RALGAPA2: variants seen among roughly 807,000 people sequenced by gnomAD.
The protein encoded by RALGAPA2 is Ral GTPase activating protein catalytic subunit alpha 2.
In RALGAPA2, 139 loss-of-function variants were observed where a neutral mutation model predicts 230.4. The ratio of observed to expected loss-of-function variants is 0.60; its 90% CI spans 0.53 to 0.69. The LOEUF is 0.69. RALGAPA2 is among the 30% of genes least tolerant of loss of function. RALGAPA2 has a pLI of 0.00. For missense variants in RALGAPA2, 2,163 were observed against 2,276.0 expected (o/e 0.95, Z 1.01); for synonymous variants, 847 against 837.8 (o/e 1.01, Z -0.19).
intron 36 of RALGAPA2, among the ~76,000 whole-genome samples, chr20:20,478,499 G>GA (rs368478704): frequency 7.4e-4 from 105 of 142,826 alleles, no homozygotes; most frequent in South Asian, 1.5e-3. Flanking sequence ...GAACCATAAA[G>GA]AAAAAAAAAA....
intron 1 of RALGAPA2, among the ~76,000 whole-genome samples, chr20:20,701,851 C>G (rs113968341): frequency 0.011 from 1,685 of 151,954 alleles, 30 homozygotes; most frequent in African/African-American, 0.039. Context: ...ACCAGCCTGG[C>G]CAAGATGGTG....
intron 3 of RALGAPA2, among the ~76,000 whole-genome samples, chr20:20,670,970 AT>A (rs1447641222): frequency 0.023 from 3,464 of 150,012 alleles, 54 homozygotes; most frequent in South Asian, 0.049. Context: ...AAAAAAAAAA[AT>A]ATGATAAACA....
intron 4 of RALGAPA2, among the ~76,000 whole-genome samples, chr20:20,652,648 AT>A (rs1022238427): frequency 1.3e-5 from 2 of 152,228 alleles, no homozygotes; most frequent in African/African-American, 4.8e-5. Context: ...CTTGTAGGAC[AT>A]GCTAGACTCT....
At chr20:20,536,825 T>A in intron 24 of RALGAPA2, 41 bp from the exon 25 acceptor site, 2 of 1,586,198 alleles carry the variant, frequency 1.3e-6, no homozygotes, top group Middle Eastern at 1.7e-4. Context: ...TCTCTTTTTG[T>A]AAGTTAGAAA....
At chr20:20,544,208 T>G (rs2063721545) in intron 24 of RALGAPA2, among the ~76,000 whole-genome samples, 3 of 151,720 alleles carry the variant, frequency 2.0e-5, no homozygotes. Flanking sequence ...GATCACGAGA[T>G]CAGGAGATTG....
intron 37 of RALGAPA2, among the ~76,000 whole-genome samples, chr20:20,416,416 G>T (rs2060166051): frequency 6.6e-6 from 1 of 152,156 alleles, no homozygotes; most frequent in South Asian, 2.1e-4. Context: ...AAATTTTCTT[G>T]AATCACAGTC....
intron 37 of RALGAPA2, among the ~76,000 whole-genome samples, chr20:20,432,336 GAT>G (rs2060518986): frequency 6.6e-6 from 1 of 152,208 alleles, no homozygotes; most frequent in Admixed American, 6.5e-5. Flanking sequence ...CAAACCAGGT[GAT>G]TACCATGGGT....
At chr20:20,682,890 G>A (rs1603241480) in intron 1 of RALGAPA2, among the ~76,000 whole-genome samples, 2 of 152,106 alleles carry the variant, frequency 1.3e-5, no homozygotes, top group Non-Finnish European at 2.9e-5. Flanking sequence ...TCTCATCTCT[G>A]CTGAGGACTT....
rs545278880 is a variant in RALGAPA2, at chr20:20,433,350, G to A, written c.5496-21202C>T. On this transcript the variant is annotated intron_variant, in intron 37 of 39. Coordinates refer to ENST00000202677, the MANE Select transcript of RALGAPA2 (RefSeq NM_020343.4). ...GCCCAAAAAGGTGGTTGGGCAGGGA[G>A]GGGCTTCTCATACAATATCTTAAAA... Among the ~76,000 whole-genome samples, 53 of 152,280 alleles carry A rather than the reference G, an allele frequency of 3.5e-4. 2 individuals are homozygous for A. Among genetic ancestry groups the A allele is most frequent in the Admixed American group, 2.9e-3 (44 of 15,298 alleles).
At chr20:20,596,952 C>T (rs2065473082) in intron 16 of RALGAPA2, among the ~76,000 whole-genome samples, 1 of 152,020 alleles carries the variant, frequency 6.6e-6, no homozygotes, top group Non-Finnish European at 1.5e-5. Context: ...TGAAATTGTC[C>T]CCAATTGAGA....
At position 20,571,948 on chromosome 20, in the gene RALGAPA2, T is replaced by C; in HGVS notation, c.2902-2A>G. ...GCTTATTGCTAGATTATCCCGTATC[T>C]AATTCACAAAGAGGAGAATTTTAGG... is the stretch of plus-strand genomic sequence containing the variant. On this transcript the variant is annotated splice_acceptor_variant, in intron 21 of 39. Coordinates refer to ENST00000202677, the MANE Select transcript of RALGAPA2 (RefSeq NM_020343.4). LOFTEE classifies it high-confidence loss of function. 1 of 1,594,320 alleles carries C rather than the reference T, an allele frequency of 6.3e-7. No homozygotes were observed. The highest frequency in any genetic ancestry group is 8.6e-7 in the Non-Finnish European group (1 of 1,166,096).
At chr20:20,655,516 T>G (rs531478573) in intron 3 of RALGAPA2, among the ~76,000 whole-genome samples, 2 of 151,804 alleles carry the variant, frequency 1.3e-5, no homozygotes, top group East Asian at 3.9e-4. Context: ...GGGAGAATGT[T>G]AGAAGGCCAA....
chr20:20,502,089 A>G (rs1365595303), intron 35 of RALGAPA2, among the ~76,000 whole-genome samples: 1 of 152,214 alleles, frequency 6.6e-6, no homozygotes, highest in Non-Finnish European at 1.5e-5. Flanking sequence ...ACAAAATGAG[A>G]CAGAGACACA....
intron 2 of RALGAPA2, among the ~76,000 whole-genome samples, chr20:20,678,442 A>G (rs745436643): frequency 2.0e-5 from 3 of 152,160 alleles, no homozygotes; most frequent in Non-Finnish European, 4.4e-5. Flanking sequence ...GTTCTACAGG[A>G]GCAATCAGGG....
chr20:20,620,282 T>C (rs1016991209), intron 11 of RALGAPA2, among the ~76,000 whole-genome samples, 181 bp downstream of exon 11: 4 of 152,156 alleles, frequency 2.6e-5, no homozygotes, highest in African/African-American at 7.2e-5. Context: ...CAATCTAGAA[T>C]GGGAGTACAG....
chr20:20,413,881 C>A (rs1314622456), intron 37 of RALGAPA2, among the ~76,000 whole-genome samples: 1 of 152,244 alleles, frequency 6.6e-6, no homozygotes, highest in African/African-American at 2.4e-5. Flanking sequence ...AATGAACAGG[C>A]TGCCAAACTT....
intron 9 of RALGAPA2, among the ~76,000 whole-genome samples, chr20:20,632,110 C>T (rs1207999670): frequency 1.3e-5 from 2 of 151,898 alleles, no homozygotes; most frequent in Non-Finnish European, 2.9e-5. Flanking sequence ...CTGCAAGCTC[C>T]GCCTCCTGGG....
At position 20,584,908 on chromosome 20, in the gene RALGAPA2, A is replaced by G. The variant is rs1228788977; in HGVS notation, c.2487T>C (p.Asp829=). 20 of 1,611,896 alleles carry G rather than the reference A, an allele frequency of 1.2e-5. No individual in the cohort carries two copies. Among genetic ancestry groups the G allele is most frequent in the Non-Finnish European group, 1.6e-5 (19 of 1,178,832 alleles). ...ATTTTCCTTGTGTCTGCTGCAAATC[A>G]TCTTTCAAATCCAATTCAGCAGGGC... is the stretch of plus-strand genomic sequence containing the variant. The part of the protein sequence containing the change: ...SSSPAELDLK[D]DLQQTQGKCR... The change falls in exon 19 of 40, where the codon GAT becomes GAC. Residue 829 remains aspartate, a synonymous_variant. Coordinates refer to ENST00000202677, the MANE Select transcript of RALGAPA2 (RefSeq NM_020343.4).
intron 4 of RALGAPA2, among the ~76,000 whole-genome samples, chr20:20,645,106 C>CTTTTTTTTT (rs71198064): frequency 1.7e-5 from 1 of 59,462 alleles, no homozygotes; most frequent in Non-Finnish European, 3.3e-5. Context: ...GGTGGTGGTG[C>CTTTTTTTTT]TTTTTTTTTT....
Sources: allele counts gnomAD v4.1 joint callset (sites outside exome capture counted in the v4.1 genomes callset), GRCh38; gene constraint gnomAD v4.1.1; transcripts MANE v1.5; gene names NCBI Gene and HGNC (gene_info 2026-07-23, HGNC 2026-07-21).